SLC6A2: variants seen among roughly 807,000 people sequenced by gnomAD.
SLC6A2 encodes sodium-dependent noradrenaline transporter.
Under a neutral mutation model 71.7 loss-of-function variants are expected in SLC6A2, and 26 were observed. The ratio of observed to expected loss-of-function variants is 0.36; its 90% confidence interval spans 0.27 to 0.50. The LOEUF is 0.50. Among genes scored for constraint, SLC6A2 ranks in the 20% least tolerant of loss-of-function variants. SLC6A2 has a pLI of 0.96. For synonymous variants in SLC6A2, 363 were observed against 337.9 expected (o/e 1.07, Z -0.82); for missense variants, 581 against 803.9 (o/e 0.72, Z 3.35).
intron 14 of SLC6A2, 54 bp downstream of exon 14, chr16:55,701,988 T>C: frequency 7.3e-7 from 1 of 1,376,300 alleles, no homozygotes; most frequent in Non-Finnish European, 1.0e-6. Flanking sequence ...GCCCTGGCTG[T>C]TCCCTGCTGT....
At position 55,703,414 on chromosome 16, in the gene SLC6A2, G is replaced by A; in HGVS notation, c.*1068G>A. ...GGTCTTGAGAAATGGAGAGTTGGCTGCAAAAACTCTCATGCACTAGATGTG... is the reference window on the plus strand; with the variant it reads ...GGTCTTGAGAAATGGAGAGTTGGCTACAAAAACTCTCATGCACTAGATGTG... On this transcript the variant is annotated 3_prime_UTR_variant, in exon 15 of 15. Transcript: ENST00000568943. 2.0e-6 allele frequency: 2 copies of A among 985,436 alleles called. No individual in the cohort carries two copies. The highest frequency in any genetic ancestry group is 2.4e-6 in the Non-Finnish European group (2 of 829,938). 61.0% of individuals were successfully genotyped at this position (985,436 alleles called of 1,614,324 possible).
chr16:55,665,210 C>G (rs1964717096), intron 2 of SLC6A2, among the ~76,000 whole-genome samples: 1 of 152,212 alleles, frequency 6.6e-6, no homozygotes, highest in African/African-American at 2.4e-5. Context: ...AGAACTACTA[C>G]AAAGGTCTCT....
At chr16:55,689,771 T>C (rs1965557338) in intron 5 of SLC6A2, among the ~76,000 whole-genome samples, 1 of 152,216 alleles carries the variant, frequency 6.6e-6, no homozygotes, top group Non-Finnish European at 1.5e-5. Flanking sequence ...TCCTTATTTG[T>C]TATGCAATTT....
At chr16:55,693,528 A>G (rs1196195913) in intron 6 of SLC6A2, among the ~76,000 whole-genome samples, 1 of 152,252 alleles carries the variant, frequency 6.6e-6, no homozygotes, top group East Asian at 1.9e-4. Flanking sequence ...GCCTCCGGCC[A>G]TGTGCCTTTA....
intron 2 of SLC6A2, among the ~76,000 whole-genome samples, chr16:55,662,090 C>G (rs1964625815): frequency 6.6e-6 from 1 of 152,216 alleles, no homozygotes; most frequent in Non-Finnish European, 1.5e-5. Context: ...CATCCCTTGG[C>G]AGAAATGTGG....
intron 14 of SLC6A2, among the ~76,000 whole-genome samples, 184 bp downstream of exon 14, chr16:55,702,118 G>C (rs1273285676): frequency 6.6e-6 from 1 of 152,240 alleles, no homozygotes; most frequent in East Asian, 1.9e-4. Flanking sequence ...CATGGCCTCA[G>C]GCTTGCCCTG....
chr16:55,658,604 C>T (rs923893346), intron 2 of SLC6A2, among the ~76,000 whole-genome samples: 1 of 152,110 alleles, frequency 6.6e-6, no homozygotes, highest in Non-Finnish European at 1.5e-5. Flanking sequence ...GCTCTTCCAA[C>T]GAGAAAGTTA....
intron 5 of SLC6A2, among the ~76,000 whole-genome samples, chr16:55,686,053 A>T (rs958465904): frequency 6.6e-5 from 10 of 152,196 alleles, no homozygotes; most frequent in African/African-American, 2.4e-4. Flanking sequence ...TTTTCTTTCC[A>T]GTGTTGTGGT....
chr16:55,671,945 C>T lies in SLC6A2; in HGVS notation c.414C>T (p.Gly138=). 6.2e-7 allele frequency: 1 copy of T among 1,614,122 alleles called. No homozygotes were observed. Among genetic ancestry groups the T allele is most frequent in the Non-Finnish European group, 8.5e-7 (1 of 1,180,002 alleles). ...CCCCCTGTCCCTGCCCAGGCGTTGG[C>T]TATGCTGTCATCCTGATCGCCCTGT... ...WKICPFFKGV[G]YAVILIALYV... The change falls in exon 4 of 15, where the codon GGC becomes GGT. Residue 138 remains glycine (G), a synonymous_variant. Transcript: ENST00000568943.
chr16:55,669,767 C>T, intron 3 of SLC6A2, 71 bp downstream of exon 3: 1 of 1,549,374 alleles, frequency 6.5e-7, no homozygotes. Context: ...GAATCTGCTC[C>T]AGTGGTGAGA....
At chr16:55,690,132 A>G (rs917249879) in intron 5 of SLC6A2, among the ~76,000 whole-genome samples, 1 of 152,178 alleles carries the variant, frequency 6.6e-6, no homozygotes. Flanking sequence ...CCAGCTACCC[A>G]ATCATAATCC....
In SLC6A2 at chr16:55,702,751, AAAAAAAAAAACT is replaced by A. The variant is rs1472313367; in HGVS notation, c.*410_*421del. 3 of 1,049,032 alleles carry A rather than the reference AAAAAAAAAAACT, an allele frequency of 2.9e-6. No individual in the cohort carries two copies. In the African/African-American group the frequency reaches 5.3e-5, roughly 18 times the overall value. The allele number at this position is 1,049,032 out of a possible 1,614,324, so 65.0% of individuals were successfully genotyped here. A position where few individuals can be genotyped will look rare whatever the true frequency, so the allele number is the denominator to read the frequency against. On this transcript the variant is annotated 3_prime_UTR_variant, in exon 15 of 15. Transcript: ENST00000568943. ...CTTTTGATCAGATACCCCTCCCAAA[AAAAAAAAAAACT>A]AAAACTAAAGCAAAAATCAAACAAA...
intron 9 of SLC6A2, among the ~76,000 whole-genome samples, chr16:55,696,783 AC>A (rs1965812735): frequency 6.6e-6 from 1 of 152,180 alleles, no homozygotes; most frequent in Non-Finnish European, 1.5e-5. Flanking sequence ...GGATGTCAAG[AC>A]CAGACTGGGC....
rs1208603662 is a variant in SLC6A2, at chr16:55,703,421, C to T, written c.*1075C>T. On this transcript the variant is annotated 3_prime_UTR_variant, in exon 15 of 15. Transcript: ENST00000568943. ...AGAAATGGAGAGTTGGCTGCAAAAA[C>T]TCTCATGCACTAGATGTGGCACCTT... is the stretch of plus-strand genomic sequence containing the variant. The T allele has an allele frequency of 1.0e-6, 1 of 985,324 alleles. No individual in the cohort carries two copies. The highest frequency in any genetic ancestry group is 1.7e-5 in the African/African-American group (1 of 57,242). The allele number at this position is 985,324 out of a possible 1,614,324, so 61.0% of individuals were successfully genotyped here.
chr16:55,663,613 T>C (rs1964666834), intron 2 of SLC6A2, among the ~76,000 whole-genome samples: 1 of 152,216 alleles, frequency 6.6e-6, no homozygotes, highest in Non-Finnish European at 1.5e-5. Flanking sequence ...GGTCTTACCA[T>C]AGCTCTGTGT....
chr16:55,695,409 G>A lies in SLC6A2; in HGVS notation c.1147+7G>A, dbSNP rs759020965. 14 of 1,613,924 alleles carry A rather than the reference G, an allele frequency of 8.7e-6. No individual in the cohort carries two copies. The highest frequency in any genetic ancestry group is 1.3e-5 in the African/African-American group (1 of 74,946). On this transcript the variant is annotated splice_region_variant and intron_variant, in intron 8 of 14. Transcript: ENST00000568943. ...GAGGATGTGGCCACAGAAGGTGGGT[G>A]GGCAGCCCACCTGGGCCCCAGCCCA...
At chr16:55,684,316 AAC>A (rs1491493969) in intron 4 of SLC6A2, among the ~76,000 whole-genome samples, 454 of 128,692 alleles carry the variant, frequency 3.5e-3, no homozygotes, top group African/African-American at 0.014. Flanking sequence ...AAAAAAAAAA[AAC>A]AACAACAACA....
intron 14 of SLC6A2, among the ~76,000 whole-genome samples, 161 bp from the exon 15 acceptor site, chr16:55,702,162 C>T (rs1965991420): frequency 6.6e-6 from 1 of 152,234 alleles, no homozygotes; most frequent in Admixed American, 6.5e-5. Context: ...CCTTTCTGGG[C>T]CTCTGTGACA....
intron 6 of SLC6A2, 67 bp downstream of exon 6, chr16:55,692,119 A>T: frequency 6.3e-7 from 1 of 1,575,798 alleles, no homozygotes; most frequent in South Asian, 1.1e-5. Flanking sequence ...GAAGGTGATG[A>T]TGGAAAATCT....
Sources: allele counts gnomAD v4.1 joint callset (sites outside exome capture counted in the v4.1 genomes callset), GRCh38; gene constraint gnomAD v4.1.1; transcripts MANE v1.5; gene names NCBI Gene and HGNC (gene_info 2026-07-23, HGNC 2026-07-21).